Variants in MRPS28 observed in about 807,000 individuals in gnomAD.
MRPS28 encodes small ribosomal subunit protein bS1m.
MRPS28 carries 7 observed loss-of-function variants against 10.8 expected under a neutral mutation model. The observed-to-expected ratio is 0.65, with a 90% CI of 0.37 to 1.22. The LOEUF (loss-of-function observed/expected upper bound fraction) is 1.22. Among genes scored for constraint, MRPS28 ranks in the 50% most tolerant of loss-of-function variants. MRPS28 has a pLI of 0.02. For missense variants in MRPS28, 265 were observed against 232.9 expected (o/e 1.14, Z -0.90); for synonymous variants, 121 against 93.3 (o/e 1.30, Z -1.71).
chr8:79,932,949 T>G (rs1463348110), intron 2 of MRPS28, among the ~76,000 whole-genome samples: 1 of 152,218 alleles, frequency 6.6e-6, no homozygotes, highest in Non-Finnish European at 1.5e-5. Context: ...GATGGAGGTC[T>G]GACTGTAAGG....
rs1055039033 is a variant in MRPS28, at chr8:79,924,994, G to A, written c.396-5846C>T. 2.0e-5 allele frequency among the ~76,000 whole-genome samples: 3 copies of A among 151,742 alleles called. No homozygotes were observed. In the East Asian group the frequency reaches 5.8e-4, roughly 29 times the overall value. ...TAGTATTGCTATGTTTTTTAATATT[G>A]TTCATCACTGTACTATCTGTACTGT... On this transcript the variant is annotated intron_variant, in intron 2 of 2. Coordinates refer to ENST00000276585, the MANE Select transcript of MRPS28 (RefSeq NM_014018.3).
At chr8:79,939,814 CA>C (rs1284164183) in intron 2 of MRPS28, among the ~76,000 whole-genome samples, 1 of 151,610 alleles carries the variant, frequency 6.6e-6, no homozygotes, top group Non-Finnish European at 1.5e-5. Context: ...ACTAAAAATA[CA>C]AAAAATTAGC....
intron 2 of MRPS28, among the ~76,000 whole-genome samples, chr8:79,983,702 A>T (rs1808052822): frequency 6.6e-6 from 1 of 152,202 alleles, no homozygotes; most frequent in Non-Finnish European, 1.5e-5. Context: ...AATGAAATGA[A>T]GTGAGAAGGG....
chr8:80,003,795 G>A (rs1808740082), intron 1 of MRPS28, among the ~76,000 whole-genome samples: 1 of 152,188 alleles, frequency 6.6e-6, no homozygotes, highest in South Asian at 2.1e-4. Context: ...CCTTAATAGT[G>A]CGCTTTTCCA....
chr8:79,958,102 C>A, intron 2 of MRPS28: 1 of 314,798 alleles, frequency 3.2e-6, no homozygotes, highest in Non-Finnish European at 5.7e-6. Flanking sequence ...TTACCATAAC[C>A]TAATTTTAGA....
At chr8:79,972,586 C>T (rs1401699463) in intron 2 of MRPS28, among the ~76,000 whole-genome samples, 1 of 152,156 alleles carries the variant, frequency 6.6e-6, no homozygotes, top group Non-Finnish European at 1.5e-5. Context: ...AATGACTGCA[C>T]CATTTTACAT....
rs189547559 is a variant in MRPS28, at chr8:79,937,478, T to C, written c.396-18330A>G. On this transcript the variant is annotated intron_variant, in intron 2 of 2. Coordinates refer to ENST00000276585, the MANE Select transcript of MRPS28 (RefSeq NM_014018.3). Reference sequence around the variant, plus strand: ...CAGCTCAAAAAGTTTCATGAAGATATAGCTATAGCTTAGTGATACTGATTT... The same window carrying C: ...CAGCTCAAAAAGTTTCATGAAGATACAGCTATAGCTTAGTGATACTGATTT... 3.2e-3 allele frequency among the ~76,000 whole-genome samples: 480 copies of C among 152,272 alleles called. 8 individuals are homozygous for C. Among genetic ancestry groups the C allele is most frequent in the Admixed American group, 0.027 (420 of 15,298 alleles).
intron 2 of MRPS28, among the ~76,000 whole-genome samples, chr8:79,963,716 GC>G (rs1668200377): frequency 2.0e-5 from 3 of 152,074 alleles, no homozygotes; most frequent in Admixed American, 2.0e-4. Flanking sequence ...TCAGTGTACT[GC>G]TGCTTTGGTG....
chr8:79,950,693 A>G (rs971552218), intron 2 of MRPS28, among the ~76,000 whole-genome samples: 9 of 152,218 alleles, frequency 5.9e-5, no homozygotes, highest in African/African-American at 1.4e-4. Flanking sequence ...ATCTGAAGTA[A>G]AACTTTGAGT....
At chr8:79,992,961 A>G in intron 2 of MRPS28, among the ~76,000 whole-genome samples, 1 of 152,224 alleles carries the variant, frequency 6.6e-6, no homozygotes. Context: ...AATGTTAGCT[A>G]TTATTGTTCT....
At chr8:79,960,885 AT>A (rs1167434055) in intron 2 of MRPS28, among the ~76,000 whole-genome samples, 8 of 152,098 alleles carry the variant, frequency 5.3e-5, no homozygotes, top group Non-Finnish European at 1.0e-4. Context: ...CTTTTACAAA[AT>A]GAAAAGATCA....
At chr8:80,001,037 G>A (rs190012960) in intron 2 of MRPS28, among the ~76,000 whole-genome samples, 1 of 152,260 alleles carries the variant, frequency 6.6e-6, no homozygotes, top group African/African-American at 2.4e-5. Context: ...AAAAGTATAT[G>A]ACTAGTATTT....
chr8:80,025,963 T>C (rs1406519071), intron 1 of MRPS28, among the ~76,000 whole-genome samples: 1 of 152,230 alleles, frequency 6.6e-6, no homozygotes, highest in Non-Finnish European at 1.5e-5. Context: ...GTGTGTAATA[T>C]AAAACTCTGC....
At chr8:80,007,710 T>C in intron 1 of MRPS28, among the ~76,000 whole-genome samples, 1 of 152,028 alleles carries the variant, frequency 6.6e-6, no homozygotes, top group East Asian at 1.9e-4. Context: ...GAATCCAACT[T>C]ACAAGGGACG....
intron 2 of MRPS28, among the ~76,000 whole-genome samples, chr8:79,940,472 T>A (rs1806736842): frequency 6.6e-6 from 1 of 152,242 alleles, no homozygotes; most frequent in Non-Finnish European, 1.5e-5. Flanking sequence ...GTTTCTGACA[T>A]TAGTCTTACA....
intron 1 of MRPS28, among the ~76,000 whole-genome samples, chr8:80,018,146 A>G (rs1208226078): frequency 6.6e-6 from 1 of 152,040 alleles, no homozygotes; most frequent in Non-Finnish European, 1.5e-5. Context: ...AAACAAAACT[A>G]GCAGGGCATG....
At chr8:79,928,320 G>A (rs1476085965) in intron 2 of MRPS28, among the ~76,000 whole-genome samples, 2 of 152,020 alleles carry the variant, frequency 1.3e-5, no homozygotes, top group Non-Finnish European at 2.9e-5. Context: ...AATGGAGTGA[G>A]CACCTGTCTA....
In MRPS28 at chr8:79,950,737, C is replaced by T. The variant is rs557581098; in HGVS notation, c.396-31589G>A. Among the ~76,000 whole-genome samples the T allele has an allele frequency of 7.2e-5, 11 of 152,320 alleles. No homozygotes were observed. The South Asian group carries it at 2.3e-3, about 32-fold the overall frequency. On this transcript the variant is annotated intron_variant, in intron 2 of 2. Coordinates refer to ENST00000276585, the MANE Select transcript of MRPS28 (RefSeq NM_014018.3). ...TTTACTTTACATCACACCAGCTGAC[C>T]TTTAAGATGTTGTTGAGGACAAGTC... is the stretch of plus-strand genomic sequence containing the variant.
At chr8:79,932,614 T>C (rs913749180) in intron 2 of MRPS28, among the ~76,000 whole-genome samples, 16 of 152,158 alleles carry the variant, frequency 1.1e-4, no homozygotes, top group Non-Finnish European at 1.9e-4. Context: ...GGGAAGTGAA[T>C]GATCGAATTT....
Sources: gnomAD v4.1 joint callset for allele counts (sites outside exome capture counted in the v4.1 genomes callset) on GRCh38, gnomAD v4.1.1 for gene constraint, MANE v1.5 for transcripts, NCBI Gene and HGNC (gene_info 2026-07-23, HGNC 2026-07-21) for gene names.